SYNPO: variants seen among roughly 807,000 people sequenced by gnomAD.
SYNPO encodes the protein synaptopodin.
A neutral mutation model predicts 49.5 loss-of-function variants in SYNPO; 19 were observed. The observed-to-expected ratio is 0.38, with a 90% CI of 0.27 to 0.56. The LOEUF (loss-of-function observed/expected upper bound fraction) is 0.56. Among genes scored for constraint, SYNPO ranks in the 20% least tolerant of loss-of-function variants. The pLI is 0.68. For missense variants in SYNPO, 1,131 were observed against 1,248.3 expected (o/e 0.91, Z 1.42); for synonymous variants, 536 against 548.0 (o/e 0.98, Z 0.31).
chr5:150,625,460 A>T (rs1442667342), intron 2 of SYNPO, among the ~76,000 whole-genome samples: 1 of 152,168 alleles, frequency 6.6e-6, no homozygotes, highest in African/African-American at 2.4e-5. Context: ...GGCACACAGG[A>T]TGCCAGAGCA....
At chr5:150,603,041 T>TGTGG (rs1756592445) in intron 1 of SYNPO, among the ~76,000 whole-genome samples, 1 of 146,070 alleles carries the variant, frequency 6.8e-6, no homozygotes, top group Non-Finnish European at 1.5e-5. Flanking sequence ...TGTGTGTGTG[T>TGTGG]GGTGTATGCT....
intron 2 of SYNPO, among the ~76,000 whole-genome samples, chr5:150,630,828 A>C (rs1757512696): frequency 6.6e-6 from 1 of 152,182 alleles, no homozygotes; most frequent in Non-Finnish European, 1.5e-5. Flanking sequence ...TGGCATCCCC[A>C]CACACTGGCT....
Position 150,649,094 on chromosome 5 carries a change from G to T in SYNPO, c.819G>T (p.Gln273His). The stretch of plus-strand genomic sequence containing the variant: ...TTGGGGAGAAGGCCCCGGCTCCCCA[G>T]CCCCCCAGTTTGCCAGACAGGAGCC... ...RHFGEKAPAP[Q>H]PPSLPDRSPR... is the part of the protein sequence containing the mutation. Residue 273 changes from glutamine to histidine, a missense_variant, in exon 2 of 3, where the codon CAG becomes CAT. Coordinates refer to ENST00000307662, the MANE Select transcript of SYNPO (RefSeq NM_007286.6). 1.2e-6 allele frequency: 2 copies of T among 1,613,814 alleles called. No homozygotes were observed. Among genetic ancestry groups the T allele is most frequent in the Non-Finnish European group, 1.7e-6 (2 of 1,179,796 alleles).
At chr5:150,597,796 C>A (rs1756450622), upstream of SYNPO, among the ~76,000 whole-genome samples, 1 of 152,050 alleles carries the variant, frequency 6.6e-6, no homozygotes, top group Admixed American at 6.6e-5. Flanking sequence ...ATGCCACCAC[C>A]CTGGCTAATT....
At chr5:150,598,148 C>T (rs182349192), upstream of SYNPO, among the ~76,000 whole-genome samples, 94 of 152,218 alleles carry the variant, frequency 6.2e-4, no homozygotes, top group Middle Eastern at 6.8e-3. Flanking sequence ...CAGTGTCCCC[C>T]GCCCACAGAG....
intron 2 of SYNPO, among the ~76,000 whole-genome samples, chr5:150,630,978 C>T (rs1030284302): frequency 6.6e-6 from 1 of 152,168 alleles, no homozygotes; most frequent in Non-Finnish European, 1.5e-5. Flanking sequence ...AGAGAGGTGA[C>T]CTGCAGTGGC....
At chr5:150,606,315 C>A (rs1026130673) in intron 1 of SYNPO, among the ~76,000 whole-genome samples, 1 of 152,218 alleles carries the variant, frequency 6.6e-6, no homozygotes, top group South Asian at 2.1e-4. Flanking sequence ...CAGTCTCAAC[C>A]CCCTCACTGC....
chr5:150,650,738 C>T, intron 2 of SYNPO: 1 of 1,311,246 alleles, frequency 7.6e-7, no homozygotes, highest in Non-Finnish European at 9.7e-7. Flanking sequence ...CTGCCAGTGC[C>T]TGTGGAGTCA....
At chr5:150,600,837 G>A (rs1756508100), upstream of SYNPO, among the ~76,000 whole-genome samples, 1 of 152,074 alleles carries the variant, frequency 6.6e-6, no homozygotes, top group Non-Finnish European at 1.5e-5. Context: ...AAATGCTACA[G>A]AAGTCAGTAC....
intron 1 of SYNPO, among the ~76,000 whole-genome samples, chr5:150,646,319 A>C (rs1255108520): frequency 6.6e-6 from 1 of 152,210 alleles, no homozygotes; most frequent in Non-Finnish European, 1.5e-5. Flanking sequence ...AGCCTGGGCA[A>C]CAGAGCAAGA....
chr5:150,611,799 A>G (rs1169586823), intron 1 of SYNPO, among the ~76,000 whole-genome samples: 2 of 152,190 alleles, frequency 1.3e-5, no homozygotes, highest in East Asian at 1.9e-4. Context: ...GACTACCCCA[A>G]CTGGAAAACA....
Position 150,622,396 on chromosome 5 carries a change from G to A in SYNPO, c.400+3629G>A, listed in dbSNP as rs1352208800. ...CTGGGGCTGGGAAAAGGTTGTTCAGGCTCTGGGAGTTGTTGGAAGATTTTG... is the reference window on the plus strand; with the variant it reads ...CTGGGGCTGGGAAAAGGTTGTTCAGACTCTGGGAGTTGTTGGAAGATTTTG... On this transcript the variant is annotated intron_variant, in intron 2 of 2. Transcript: ENST00000394243. Among the ~76,000 whole-genome samples, 6 of 152,202 alleles carry A rather than the reference G, an allele frequency of 3.9e-5. 1 individual carries two copies. Among genetic ancestry groups the A allele is most frequent in the Admixed American group, 1.3e-4 (2 of 15,284 alleles).
At chr5:150,592,092 G>C in the SYNPO span, among the ~76,000 whole-genome samples, 1 of 152,160 alleles carries the variant, frequency 6.6e-6, no homozygotes. Flanking sequence ...TTGAACCCGG[G>C]AGACGGAGGT....
At position 150,648,846 on chromosome 5, in the gene SYNPO, T is replaced by C. The variant is rs201230432; in HGVS notation, c.571T>C (p.Ser191Pro). The C allele has an allele frequency of 6.2e-7, 1 of 1,614,128 alleles. No individual in the cohort carries two copies. The highest frequency in any genetic ancestry group is 8.5e-7 in the Non-Finnish European group (1 of 1,180,002). The change falls in exon 2 of 3, where the codon TCC (serine) becomes CCC (proline). Residue 191 changes from serine to proline, a missense_variant. Coordinates refer to ENST00000307662, the MANE Select transcript of SYNPO (RefSeq NM_007286.6). This position sits in a 1 kb window ranked among gnomAD's most constrained non-coding sequence, Gnocchi z 5.0. ...RPPASDFMSS[S>P]LLIDIQPNTL... ...CCCAGCCTCAGATTTCATGTCCAGC[T>C]CCCTGCTCATTGACATCCAGCCCAA...
chr5:150,658,759 T>A lies in SYNPO; in HGVS notation c.*1672T>A, dbSNP rs1758658035. 6.6e-6 allele frequency: 1 copy of A among 152,388 alleles called. No homozygotes were observed. Among genetic ancestry groups the A allele is most frequent in the Non-Finnish European group, 1.5e-5 (1 of 68,110 alleles). The allele number at this position is 152,388 out of a possible 1,614,324, so 9.4% of individuals were successfully genotyped here. ...AGGCTGGAGGGAGTTAAGGTCAGTATGGAAGATAGGGTTGGGACAGGGTGC... is the reference window on the plus strand; with the variant it reads ...AGGCTGGAGGGAGTTAAGGTCAGTAAGGAAGATAGGGTTGGGACAGGGTGC... On this transcript the variant is annotated 3_prime_UTR_variant, in exon 3 of 3. Coordinates refer to ENST00000307662, the MANE Select transcript of SYNPO (RefSeq NM_007286.6).
At position 150,658,521 on chromosome 5, in the gene SYNPO, AG is replaced by A. The variant is rs1758651706; in HGVS notation, c.*1437del. ...TGATTCAGGTCCCCAGGGGGGACTCAGGGAGGAATATGGCTGAGTTCTGTAG... is the reference window on the plus strand; with the variant it reads ...TGATTCAGGTCCCCAGGGGGGACTCAGGAGGAATATGGCTGAGTTCTGTAG... On this transcript the variant is annotated 3_prime_UTR_variant, in exon 3 of 3. Coordinates refer to ENST00000307662, the MANE Select transcript of SYNPO (RefSeq NM_007286.6). 1 of 152,354 alleles carries A rather than the reference AG, an allele frequency of 6.6e-6. No homozygotes were observed. The highest frequency in any genetic ancestry group is 2.1e-4 in the South Asian group (1 of 4,840). The allele number at this position is 152,354 out of a possible 1,614,324, so 9.4% of individuals were successfully genotyped here.
chr5:150,655,805 AC>A, intron 2 of SYNPO, among the ~76,000 whole-genome samples: 1 of 152,160 alleles, frequency 6.6e-6, no homozygotes, highest in South Asian at 2.1e-4. Context: ...GGCACGCGCC[AC>A]CGTGCCACTA....
At chr5:150,651,401 A>G (rs1758380735) in intron 2 of SYNPO, 6 of 1,000,452 alleles carry the variant, frequency 6.0e-6, no homozygotes, top group Non-Finnish European at 7.2e-6. Context: ...AGCTGTAACA[A>G]TCTGTGAGGA....
chr5:150,587,804 G>C, the SYNPO span, among the ~76,000 whole-genome samples: 1 of 152,182 alleles, frequency 6.6e-6, no homozygotes, highest in African/African-American at 2.4e-5. Context: ...CTCTGGAAAA[G>C]GGGCCAGAAG....
Sources: gnomAD v4.1 joint callset for allele counts (sites outside exome capture counted in the v4.1 genomes callset) on GRCh38, gnomAD v4.1.1 for gene constraint, Gnocchi (gnomAD v3.1) non-coding constraint, MANE v1.5 for transcripts, NCBI Gene and HGNC (gene_info 2026-07-23, HGNC 2026-07-21) for gene names.